The following RIMS2 variants were observed in gnomAD, a reference collection of about 807,000 sequenced individuals.
RIMS2 encodes regulating synaptic membrane exocytosis 2, also known as regulating synaptic membrane exocytosis protein 2.
Under a neutral mutation model 174.4 loss-of-function variants are expected in RIMS2, and 59 were observed. The observed-to-expected ratio is 0.34, with a 90% CI of 0.27 to 0.42. The LOEUF (loss-of-function observed/expected upper bound fraction) is 0.42. RIMS2 is among the 10% of genes least tolerant of loss of function. RIMS2 has a pLI of 1.00. For missense variants in RIMS2, 1,620 were observed against 1,666.3 expected (o/e 0.97, Z 0.48); for synonymous variants, 606 against 572.5 (o/e 1.06, Z -0.84).
At chr8:103,904,073 C>G (rs187724765) in intron 4 of RIMS2, among the ~76,000 whole-genome samples, 1 of 152,032 alleles carries the variant, frequency 6.6e-6, no homozygotes, top group East Asian at 1.9e-4. Context: ...ATTGTTCTTA[C>G]GCTTCCTCTT....
intron 1 of RIMS2, among the ~76,000 whole-genome samples, chr8:103,690,717 A>G (rs2097012284): frequency 6.6e-6 from 1 of 152,184 alleles, no homozygotes; most frequent in Non-Finnish European, 1.5e-5. Flanking sequence ...TAATCTTTCT[A>G]TTCAAGATAT....
At chr8:103,866,840 A>G (rs1214673820) in intron 3 of RIMS2, among the ~76,000 whole-genome samples, 5 of 151,974 alleles carry the variant, frequency 3.3e-5, no homozygotes, top group Non-Finnish European at 4.4e-5. Context: ...AATTAATCTG[A>G]CGCTTTTGTG....
Position 104,094,654 on chromosome 8 carries a change from T to C in RIMS2, c.3334+80039T>C, listed in dbSNP as rs9969594. The C allele has an allele frequency of 5.6e-4, 395 of 701,484 alleles. 3 individuals are homozygous for C. The African/African-American group carries it at 6.3e-3, about 11-fold the overall frequency. The allele number at this position is 701,484 out of a possible 1,614,324, so 43.5% of individuals were successfully genotyped here. ...GGAGACGAGGAAAAAACACAAGATA[T>C]ACACGAGCAAGGGAAAGAAAAAGAA... On this transcript the variant is annotated intron_variant, in intron 19 of 23. Transcript: ENST00000504942.
chr8:103,531,755 C>CATTT (rs1837276144), intron 1 of RIMS2, among the ~76,000 whole-genome samples: 2 of 152,038 alleles, frequency 1.3e-5, no homozygotes, highest in Non-Finnish European at 2.9e-5. Flanking sequence ...TTTTAATAAA[C>CATTT]TAGTAAATGT....
At chr8:103,958,232 A>G (rs1280704442) in intron 14 of RIMS2, among the ~76,000 whole-genome samples, 1 of 152,228 alleles carries the variant, frequency 6.6e-6, no homozygotes, top group African/African-American at 2.4e-5. Context: ...ATAAAAAAGA[A>G]CAACATCATG....
chr8:103,596,998 T>A (rs2094503433), intron 1 of RIMS2, among the ~76,000 whole-genome samples: 1 of 152,100 alleles, frequency 6.6e-6, no homozygotes, highest in African/African-American at 2.4e-5. Context: ...TCCATAGCAT[T>A]GTTGTGTACA....
exon 3 of RIMS2, chr8:103,766,441 T>A (rs1564560045): frequency 6.2e-7 from 1 of 1,613,806 alleles, no homozygotes. Context: ...GTACCTGCAG[T>A]GGAGAAAAGT....
chr8:103,739,139 T>A (rs1301630026), intron 2 of RIMS2, among the ~76,000 whole-genome samples: 2 of 152,020 alleles, frequency 1.3e-5, no homozygotes, highest in Admixed American at 6.6e-5. Flanking sequence ...CAAATGTCCA[T>A]CAATGATAGA....
chr8:104,117,789 T>C (rs1487349936), intron 19 of RIMS2, among the ~76,000 whole-genome samples: 1 of 152,246 alleles, frequency 6.6e-6, no homozygotes. Context: ...GGAAATGTTG[T>C]CTTATTTCTT....
At chr8:103,936,758 G>T in intron 13 of RIMS2, 36 bp downstream of exon 15, 1 of 1,469,416 alleles carries the variant, frequency 6.8e-7, no homozygotes, top group Non-Finnish European at 9.3e-7. Context: ...TGCTATTCAT[G>T]TTATCCTGAA....
At chr8:103,684,540 TTTTATTTTATTTTATTTTA>T in intron 1 of RIMS2, among the ~76,000 whole-genome samples, 1 of 2,652 alleles carries the variant, frequency 3.8e-4, no homozygotes, top group East Asian at 0.17. Flanking sequence ...TTCATACTTT[TTTTATTTTATTTTATTTTA>T]TTTTATTTTA....
At chr8:104,255,290 A>C (rs2099366282), downstream of RIMS2, 1 of 142,354 alleles carries the variant, frequency 7.0e-6, no homozygotes, top group Non-Finnish European at 1.5e-5. Context: ...GTATATGAAC[A>C]ACATTTTCCT....
At chr8:103,690,216 A>C (rs1334068159) in intron 1 of RIMS2, among the ~76,000 whole-genome samples, 1 of 152,032 alleles carries the variant, frequency 6.6e-6, no homozygotes, top group East Asian at 1.9e-4. Context: ...CCCCCACCTC[A>C]GCTTCCTGAA....
At chr8:104,028,231 G>A (rs951885327) in intron 19 of RIMS2, among the ~76,000 whole-genome samples, 6 of 151,978 alleles carry the variant, frequency 3.9e-5, no homozygotes, top group African/African-American at 1.4e-4. Flanking sequence ...GCTACATGTT[G>A]TGATGAAGAC....
chr8:104,213,892 AAGAAGAAG>A (rs2099117594), intron 19 of RIMS2, among the ~76,000 whole-genome samples: 1 of 111,248 alleles, frequency 9.0e-6, no homozygotes, highest in African/African-American at 3.6e-5. Context: ...AAAAAAAAAG[AAGAAGAAG>A]AAGAAGAAGA....
At chr8:104,140,234 C>T (rs1044233578) in intron 19 of RIMS2, among the ~76,000 whole-genome samples, 2 of 152,006 alleles carry the variant, frequency 1.3e-5, no homozygotes, top group East Asian at 3.8e-4. Flanking sequence ...TTATAATATT[C>T]TCTTGAATAT....
At chr8:103,608,605 C>A (rs554960915) in intron 1 of RIMS2, among the ~76,000 whole-genome samples, 13 of 150,400 alleles carry the variant, frequency 8.6e-5, no homozygotes, top group African/African-American at 3.2e-4. Flanking sequence ...TGCCGCCTTG[C>A]AGTTTGATCT....
intron 2 of RIMS2, among the ~76,000 whole-genome samples, chr8:103,742,391 A>G (rs141120426): frequency 1.3e-5 from 2 of 152,250 alleles, no homozygotes; most frequent in East Asian, 1.9e-4. Context: ...AACCATATGT[A>G]CATAATGAGT....
intron 19 of RIMS2, among the ~76,000 whole-genome samples, chr8:104,151,771 A>C (rs1179755764): frequency 1.3e-5 from 2 of 152,202 alleles, no homozygotes; most frequent in Non-Finnish European, 2.9e-5. Context: ...GGTAATACTT[A>C]AACTCATGAA....
Sources: allele counts gnomAD v4.1 joint callset (sites outside exome capture counted in the v4.1 genomes callset), GRCh38; gene constraint gnomAD v4.1.1; transcripts MANE v1.5; gene names NCBI Gene and HGNC (gene_info 2026-07-23, HGNC 2026-07-21).